ZNF90: variants seen among roughly 807,000 people sequenced by gnomAD.
ZNF90 encodes zinc finger protein 90.
ZNF90 carries 11 observed loss-of-function variants against 12.0 expected under a neutral mutation model. That is an observed-to-expected ratio of 0.92 (90% CI 0.58 to 1.52). The LOEUF is 1.52. ZNF90 is among the 40% of genes most tolerant of loss of function. The pLI is 0.00. For missense variants in ZNF90, 765 were observed against 711.5 expected, an observed-to-expected ratio of 1.08 and a Z score of -0.86; for synonymous variants, 232 against 240.1, an observed-to-expected ratio of 0.97 and a Z score of 0.31.
chr19:20,105,183 A>G, intron 2 of ZNF90, 38 bp from the exon 3 acceptor site: 1 of 1,503,496 alleles, frequency 6.7e-7, no homozygotes, highest in South Asian at 1.2e-5. Flanking sequence ...ATTGGAGAAT[A>G]TGAGGAAGAT....
At chr19:20,114,719 G>C (rs138022546) in intron 3 of ZNF90, among the ~76,000 whole-genome samples, 1 of 152,138 alleles carries the variant, frequency 6.6e-6, no homozygotes, top group Non-Finnish European at 1.5e-5. Context: ...GAAGAAAGTT[G>C]TATGAGCTAT....
intron 3 of ZNF90, among the ~76,000 whole-genome samples, chr19:20,108,170 C>T (rs1187250564): frequency 2.0e-5 from 3 of 152,028 alleles, no homozygotes; most frequent in East Asian, 3.8e-4. Flanking sequence ...TTAAAAGTTT[C>T]TCATTAGAAT....
intron 1 of ZNF90, among the ~76,000 whole-genome samples, chr19:20,079,381 G>T (rs2122465878): frequency 6.6e-6 from 1 of 151,806 alleles, no homozygotes; most frequent in East Asian, 1.9e-4. Flanking sequence ...AACTGGATGG[G>T]TCTTACTGAT....
chr19:20,083,711 G>A (rs553068937), intron 1 of ZNF90, among the ~76,000 whole-genome samples: 105 of 152,270 alleles, frequency 6.9e-4, no homozygotes, highest in Non-Finnish European at 1.1e-3. Flanking sequence ...AATGGCCACA[G>A]AGTATTCATG....
At chr19:20,103,384 C>G (rs1286558396) in intron 1 of ZNF90, among the ~76,000 whole-genome samples, 1 of 152,174 alleles carries the variant, frequency 6.6e-6, no homozygotes, top group African/African-American at 2.4e-5. Context: ...CATGCAAGCC[C>G]TGCCTCAGCT....
intron 1 of ZNF90, among the ~76,000 whole-genome samples, chr19:20,094,207 C>G (rs1444614393): frequency 6.6e-6 from 1 of 152,204 alleles, no homozygotes; most frequent in South Asian, 2.1e-4. Context: ...GTAACTGTAA[C>G]TCAGAAATGC....
At position 20,118,678 on chromosome 19, in the gene ZNF90, G is replaced by C. The variant is rs782416950; in HGVS notation, c.1124G>C (p.Gly375Ala). ...AAACCCTACAAGTGTGATAAATGTG[G>C]CAAAGCATTTATTTCATCCTCACTC... ...GEKPYKCDKC[G>A]KAFISSSLLY... is the part of the protein sequence containing the mutation. The change falls in exon 4 of 4, where the codon GGC (glycine) becomes GCC (alanine). Residue 375 changes from glycine to alanine, a missense_variant. By Grantham distance (60) the Gly-to-Ala change is moderately conservative (BLOSUM62 0). Transcript: ENST00000418063. The C allele has an allele frequency of 4.5e-6, 7 of 1,566,380 alleles. No homozygotes were observed. In the African/African-American group the frequency reaches 9.5e-5, roughly 21 times the overall value.
chr19:20,108,542 C>A (rs2089059096), intron 3 of ZNF90, among the ~76,000 whole-genome samples: 1 of 152,102 alleles, frequency 6.6e-6, no homozygotes, highest in African/African-American at 2.4e-5. Context: ...TCTTAAAACT[C>A]CTTACCTCAT....
intron 3 of ZNF90, among the ~76,000 whole-genome samples, chr19:20,116,173 T>C (rs528650180): frequency 4.6e-5 from 7 of 152,216 alleles, no homozygotes; most frequent in African/African-American, 1.4e-4. Context: ...GTGCCCAGCA[T>C]ATTTTATTTT....
Position 20,118,068 on chromosome 19 carries a change from C to T in ZNF90, c.514C>T (p.Pro172Ser), listed in dbSNP as rs149678958. The part of the protein sequence containing the change: ...RHKIRDTGKK[P>S]FKCIECGKAF... ...TAAGATAAGAGATACTGGAAAAAAA[C>T]CTTTCAAATGTATAGAATGTGGCAA... Residue 172 changes from proline to serine, a missense_variant, in exon 4 of 4, where the codon CCT (proline) becomes TCT (serine). Coordinates refer to ENST00000418063, the MANE Select transcript of ZNF90 (RefSeq NM_007138.2). 6 of 1,613,110 alleles carry T rather than the reference C, an allele frequency of 3.7e-6. No individual in the cohort carries two copies. Among genetic ancestry groups the T allele is most frequent in the Non-Finnish European group, 4.2e-6 (5 of 1,179,456 alleles).
At chr19:20,086,111 A>T (rs1168227379) in intron 1 of ZNF90, among the ~76,000 whole-genome samples, 2 of 152,230 alleles carry the variant, frequency 1.3e-5, no homozygotes, top group Non-Finnish European at 2.9e-5. Context: ...TTCAGTGCAT[A>T]AACTGAACAG....
At chr19:20,086,748 A>T (rs1481252502) in intron 1 of ZNF90, among the ~76,000 whole-genome samples, 1 of 152,238 alleles carries the variant, frequency 6.6e-6, no homozygotes, top group African/African-American at 2.4e-5. Flanking sequence ...TACTTACTTA[A>T]GTCTAATATC....
intron 1 of ZNF90, among the ~76,000 whole-genome samples, chr19:20,095,670 A>G (rs969303536): frequency 9.9e-5 from 15 of 152,076 alleles, no homozygotes; most frequent in African/African-American, 3.6e-4. Context: ...GAAATAAGGG[A>G]TTGGGGCACA....
chr19:20,110,522 C>T (rs1359377451), intron 3 of ZNF90, among the ~76,000 whole-genome samples: 1 of 152,080 alleles, frequency 6.6e-6, no homozygotes, highest in Non-Finnish European at 1.5e-5. Context: ...CCCTCAGCCT[C>T]CCAAGTTGCT....
rs533430706 is a variant in ZNF90, at chr19:20,095,657, G to A, written c.4-8582G>A. Among the ~76,000 whole-genome samples, 25 of 151,902 alleles carry A rather than the reference G, an allele frequency of 1.6e-4. 1 individual carries two copies. The highest frequency in any genetic ancestry group is 5.6e-4 in the African/African-American group (23 of 41,426). On this transcript the variant is annotated intron_variant, in intron 1 of 3. Coordinates refer to ENST00000418063, the MANE Select transcript of ZNF90 (RefSeq NM_007138.2). ...TGGGGCACAGATAAGAGGTTGGGGT[G>A]CAGAAATAAGGGATTGGGGCACAGA...
rs531416373 is a variant in ZNF90 at position 20,109,076 on chromosome 19, A to G, written c.226+3760A>G. 1.9e-3 allele frequency among the ~76,000 whole-genome samples: 296 copies of G among 152,290 alleles called. 2 individuals are homozygous for G. Among genetic ancestry groups the G allele is most frequent in the Non-Finnish European group, 3.7e-3 (252 of 68,020 alleles). ...TTGTGTCTATTGGTTTTACTTATGT[A>G]GTAAGTAGAGAATTTGCAATTCTTT... is the stretch of plus-strand genomic sequence containing the variant. On this transcript the variant is annotated intron_variant, in intron 3 of 3. Transcript: ENST00000418063.
intron 1 of ZNF90, among the ~76,000 whole-genome samples, chr19:20,090,173 A>G (rs1270615527): frequency 6.6e-6 from 1 of 152,170 alleles, no homozygotes; most frequent in Admixed American, 6.5e-5. Flanking sequence ...GGCATTTATA[A>G]GTAGTTGAGA....
At chr19:20,082,467 AC>A in intron 1 of ZNF90, among the ~76,000 whole-genome samples, 1 of 152,130 alleles carries the variant, frequency 6.6e-6, no homozygotes, top group Non-Finnish European at 1.5e-5. Flanking sequence ...CTGTAACCCT[AC>A]CCGCTACCCT....
intron 1 of ZNF90, 46 bp from the exon 2 acceptor site, chr19:20,104,193 A>G: frequency 1.2e-6 from 2 of 1,608,850 alleles, no homozygotes; most frequent in Non-Finnish European, 1.7e-6. Flanking sequence ...AACTTTGCCC[A>G]TGACCACTTG....
Sources: gnomAD v4.1 joint callset for allele counts (sites outside exome capture counted in the v4.1 genomes callset) on GRCh38, gnomAD v4.1.1 for gene constraint, MANE v1.5 for transcripts, NCBI Gene and HGNC (gene_info 2026-07-23, HGNC 2026-07-21) for gene names.